WDFY4: variants seen among roughly 807,000 people sequenced by gnomAD.
The protein encoded by WDFY4 is WD repeat- and FYVE domain-containing protein 4.
WDFY4 carries 169 observed loss-of-function variants against 351.9 expected under a neutral mutation model. The observed-to-expected ratio is 0.48, with a 90% CI of 0.42 to 0.55. The LOEUF is 0.55. Ranked by LOEUF, WDFY4 falls within the 20% of genes least tolerant of loss-of-function variation. WDFY4 has a pLI of 0.00. For missense variants in WDFY4, 3,803 were observed against 3,935.6 expected (o/e 0.97, Z 0.90); for synonymous variants, 1,622 against 1,574.6 (o/e 1.03, Z -0.71).
At chr10:48,819,927 G>T (rs540154458) in intron 32 of WDFY4, among the ~76,000 whole-genome samples, 1 of 152,302 alleles carries the variant, frequency 6.6e-6, no homozygotes, top group East Asian at 1.9e-4. Context: ...CCGATGGGGA[G>T]CTGTGGCTTG....
chr10:48,867,911 T>A (rs2069610100), intron 40 of WDFY4, among the ~76,000 whole-genome samples: 1 of 152,138 alleles, frequency 6.6e-6, no homozygotes, highest in Non-Finnish European at 1.5e-5. Flanking sequence ...GTGTGAAGTA[T>A]AAAAAAATGC....
intron 45 of WDFY4, 87 bp downstream of exon 45, chr10:48,897,661 C>T (rs948960556): frequency 4.6e-5 from 69 of 1,486,556 alleles, no homozygotes; most frequent in Non-Finnish European, 5.6e-5. Flanking sequence ...AGAGACACAC[C>T]TCTGTGACTC....
intron 44 of WDFY4, among the ~76,000 whole-genome samples, chr10:48,893,023 TC>T (rs1836892157): frequency 1.3e-5 from 2 of 152,242 alleles, no homozygotes; most frequent in African/African-American, 4.8e-5. Flanking sequence ...TGTTTCATAG[TC>T]CTAGAGGCTG....
chr10:48,830,523 C>T (rs1223250411), intron 37 of WDFY4, among the ~76,000 whole-genome samples, 177 bp from the exon 38 acceptor site: 1 of 152,148 alleles, frequency 6.6e-6, no homozygotes, highest in East Asian at 1.9e-4. Context: ...GCATTGTTGT[C>T]AGGCCTGTGG....
chr10:48,840,525 CCA>C (rs1304151954), intron 39 of WDFY4, among the ~76,000 whole-genome samples: 5 of 151,552 alleles, frequency 3.3e-5, no homozygotes, highest in Non-Finnish European at 7.4e-5. Context: ...ATGCACACCC[CCA>C]CCCACACACA....
At chr10:48,857,494 G>A (rs2133206478) in intron 39 of WDFY4, among the ~76,000 whole-genome samples, 2 of 152,092 alleles carry the variant, frequency 1.3e-5, no homozygotes, top group African/African-American at 4.8e-5. Flanking sequence ...GAAAAAAAAG[G>A]CAAAAATGTC....
intron 2 of WDFY4, among the ~76,000 whole-genome samples, chr10:48,717,940 T>A (rs1229307784): frequency 6.6e-6 from 1 of 152,236 alleles, no homozygotes; most frequent in East Asian, 1.9e-4. Context: ...TGGTAGAGTG[T>A]GTGCCCCTGT....
In WDFY4 at chr10:48,790,716, A is replaced by G. The variant is rs1208115265; in HGVS notation, c.4067-11A>G. On this transcript the variant is annotated splice_polypyrimidine_tract_variant and intron_variant, in intron 22 of 61. Transcript: ENST00000325239. ...GACATGTTGATGAAATGCCCACTTT[A>G]TGCCACACAGGGGTGAGGGTATTCC... is the stretch of plus-strand genomic sequence containing the variant. 4 of 1,550,440 alleles carry G rather than the reference A, an allele frequency of 2.6e-6. No homozygotes were observed. Among genetic ancestry groups the G allele is most frequent in the Non-Finnish European group, 3.5e-6 (4 of 1,146,194 alleles).
At chr10:48,814,884 G>A (rs1009666525) in intron 31 of WDFY4, among the ~76,000 whole-genome samples, 2 of 152,216 alleles carry the variant, frequency 1.3e-5, no homozygotes, top group African/African-American at 4.8e-5. Context: ...CACAGAGGAT[G>A]AGACCACATG....
chr10:48,937,451 T>C (rs1047975320), intron 47 of WDFY4, among the ~76,000 whole-genome samples: 1 of 152,342 alleles, frequency 6.6e-6, no homozygotes, highest in Non-Finnish European at 1.5e-5. Context: ...TCGGTGTTTA[T>C]GCTGGCTGCT....
At chr10:48,808,504 G>A (rs567185901) in intron 28 of WDFY4, among the ~76,000 whole-genome samples, 8 of 152,252 alleles carry the variant, frequency 5.3e-5, no homozygotes, top group Non-Finnish European at 5.9e-5. Flanking sequence ...CCTTGGAGTC[G>A]TTCATTTGAC....
chr10:48,778,896 G>T, intron 18 of WDFY4, 64 bp downstream of exon 18: 3 of 1,514,342 alleles, frequency 2.0e-6, no homozygotes, highest in Non-Finnish European at 8.9e-7. Flanking sequence ...TAAGTCAGAA[G>T]CTCTCAACAC....
chr10:48,685,903 G>C (rs1181954599), intron 1 of WDFY4, among the ~76,000 whole-genome samples: 1 of 151,890 alleles, frequency 6.6e-6, no homozygotes, highest in African/African-American at 2.4e-5. Context: ...GAGAATAGCA[G>C]GTAGGGTGGG....
chr10:48,796,818 G>A (rs1466401330), intron 24 of WDFY4, among the ~76,000 whole-genome samples: 4 of 152,184 alleles, frequency 2.6e-5, no homozygotes, highest in African/African-American at 9.7e-5. Flanking sequence ...GTTCCTTTGG[G>A]TGGTGCTTTG....
rs115248254 is a variant in WDFY4 at position 48,933,197 on chromosome 10, C to A, written c.7587-8609C>A. ...TAGATTGTATATGTGGACCAGGCAACGAGAAAACCCAAGGGCAGGCTGGAA... is the reference window on the plus strand; with the variant it reads ...TAGATTGTATATGTGGACCAGGCAAAGAGAAAACCCAAGGGCAGGCTGGAA... On this transcript the variant is annotated intron_variant, in intron 47 of 61. Transcript: ENST00000325239. Among the ~76,000 whole-genome samples the A allele has an allele frequency of 3.3e-3, 499 of 152,264 alleles. 6 individuals carry two copies. Among genetic ancestry groups the A allele is most frequent in the African/African-American group, 0.012 (479 of 41,548 alleles).
rs1413103815 is a variant in WDFY4, at chr10:48,731,092, T to C, written c.1130-18T>C. 1 of 1,506,004 alleles carries C rather than the reference T, an allele frequency of 6.6e-7. No individual in the cohort carries two copies. The highest frequency in any genetic ancestry group is 2.2e-5 in the Admixed American group (1 of 45,718). The allele number at this position is 1,506,004 out of a possible 1,614,324, so 93.3% of individuals were successfully genotyped here. ...CAGGAGAAATGACTTGTAAGATCAT[T>C]CTTGTTTTCCTCCTCAGGGGTGACT... On this transcript the variant is annotated intron_variant, in intron 8 of 61. Coordinates refer to ENST00000325239, the MANE Select transcript of WDFY4 (RefSeq NM_001394531.1).
chr10:48,950,221 AC>A (rs1206886376), intron 51 of WDFY4, among the ~76,000 whole-genome samples: 1 of 152,106 alleles, frequency 6.6e-6, no homozygotes, highest in African/African-American at 2.4e-5. Context: ...TCCCCACAGC[AC>A]CCAGCAACCA....
chr10:48,938,979 C>T (rs2663018), intron 47 of WDFY4, among the ~76,000 whole-genome samples: 132,166 of 152,166 alleles, frequency 0.87, 59,255 homozygotes, highest in South Asian at 0.98. Flanking sequence ...TGGCTTCATT[C>T]GAGTTCTTCT....
chr10:48,926,584 GA>G (rs1171888852), intron 47 of WDFY4, among the ~76,000 whole-genome samples: 2 of 152,170 alleles, frequency 1.3e-5, no homozygotes, highest in East Asian at 3.8e-4. Flanking sequence ...GGTCCCTGAA[GA>G]AATCATTTCA....
Sources: allele counts gnomAD v4.1 joint callset (sites outside exome capture counted in the v4.1 genomes callset), GRCh38; gene constraint gnomAD v4.1.1; transcripts MANE v1.5; gene names NCBI Gene and HGNC (gene_info 2026-07-23, HGNC 2026-07-21).